Variants in ATG16L2 observed in about 807,000 individuals in gnomAD.
ATG16L2 encodes protein Atg16l2.
A neutral mutation model predicts 84.7 loss-of-function variants in ATG16L2; 77 were observed. That is an observed-to-expected ratio of 0.91 (90% CI 0.76 to 1.10). ATG16L2 has a LOEUF of 1.10. Ranked by LOEUF, ATG16L2 falls within the 50% of genes least tolerant of loss-of-function variation. ATG16L2 has a pLI of 0.00. For synonymous variants in ATG16L2, 361 were observed against 342.8 expected, an observed-to-expected ratio of 1.05 and a Z score of -0.59; for missense variants, 782 against 817.6, an observed-to-expected ratio of 0.96 and a Z score of 0.53.
downstream of ATG16L2, among the ~76,000 whole-genome samples, chr11:72,832,284 G>A (rs955688964): frequency 3.3e-5 from 5 of 152,182 alleles, no homozygotes; most frequent in Admixed American, 6.5e-5. Context: ...CTTTATGGGC[G>A]TCAATCTTAC....
At chr11:72,825,989 C>G (rs1860322389) in intron 10 of ATG16L2, among the ~76,000 whole-genome samples, 184 bp from the exon 11 acceptor site, 1 of 152,126 alleles carries the variant, frequency 6.6e-6, no homozygotes, top group African/African-American at 2.4e-5. Flanking sequence ...GGACCCAGTG[C>G]CAGCAGTTAG....
intron 5 of ATG16L2, chr11:72,840,968 G>GA: frequency 6.2e-7 from 1 of 1,602,318 alleles, no homozygotes; most frequent in Non-Finnish European, 8.5e-7. Context: ...TTCTAAGGGA[G>GA]AAAACCAAAG....
rs114002424 is a variant in ATG16L2 at position 72,840,592 on chromosome 11, G to A, written c.*22-2025G>A. Among the ~76,000 whole-genome samples the A allele has an allele frequency of 3.8e-3, 571 of 152,242 alleles. 8 individuals are homozygous for A. Among genetic ancestry groups the A allele is most frequent in the African/African-American group, 0.013 (529 of 41,534 alleles). ...GAAAAAAGTGTTTCACAATTAGCCC[G>A]CTTTAATGCTCATAAAGTTTGTTCT... On this transcript the variant is annotated intron_variant, in intron 5 of 5. Coordinates refer to the ATG16L2 transcript ENST00000534905.
In ATG16L2 at chr11:72,822,813, C is replaced by T. The variant is rs370997742; in HGVS notation, c.711-35C>T. ...TGGGGTCGGGAGGGGCTGGCTTGGT[C>T]CCTTGGCCTTTCTGAACTTCATTAC... On this transcript the variant is annotated intron_variant, in intron 6 of 17. Transcript: ENST00000321297. The surrounding 1 kb of genome is among the most constrained non-coding windows in gnomAD (Gnocchi z 4.2). 3.4e-6 allele frequency: 5 copies of T among 1,490,836 alleles called. No homozygotes were observed. The African/African-American group carries it at 5.6e-5, about 17-fold the overall frequency. The allele number at this position is 1,490,836 out of a possible 1,614,324, so 92.4% of individuals were successfully genotyped here.
chr11:72,841,445 A>G (rs1406861831), intron 5 of ATG16L2: 1 of 1,609,884 alleles, frequency 6.2e-7, no homozygotes, highest in Admixed American at 1.7e-5. Flanking sequence ...TGCCCAGGAG[A>G]ACCCTTACCG....
Position 72,814,437 on chromosome 11 carries a change from A to G in ATG16L2, c.-9A>G. 6.8e-7 allele frequency: 1 copy of G among 1,470,666 alleles called. No homozygotes were observed. The highest frequency in any genetic ancestry group is 9.1e-7 in the Non-Finnish European group (1 of 1,102,648). 91.1% of individuals were successfully genotyped at this position (1,470,666 alleles called of 1,614,324 possible). On this transcript the variant is annotated 5_prime_UTR_variant, in exon 1 of 18. Transcript: ENST00000321297. ...GGAGGAACGCGCCGCTAGGCGGGAG[A>G]GCGCGGCCATGGCGGGGCCGGGCGT...
Position 72,824,327 on chromosome 11 carries a change from A to G in ATG16L2, c.887+205A>G, listed in dbSNP as rs1025306112. The G allele has an allele frequency of 2.2e-5, 14 of 630,486 alleles. No homozygotes were observed. In the African/African-American group the frequency reaches 2.4e-4, roughly 11 times the overall value. The allele number at this position is 630,486 out of a possible 1,614,324, so 39.1% of individuals were successfully genotyped here. ...CTGTCTTCCAGGTTCTGTCCTCACA[A>G]GGGTCTGTCTTCATCCAAGGTCGTC... On this transcript the variant is annotated intron_variant, in intron 8 of 17. Transcript: ENST00000321297.
At chr11:72,823,800 G>T in intron 7 of ATG16L2, 1 of 597,108 alleles carries the variant, frequency 1.7e-6, no homozygotes, top group Non-Finnish European at 3.2e-6. Context: ...TTTTGTTGGT[G>T]GGTACTAGTA....
At position 72,822,599 on chromosome 11, in the gene ATG16L2, C is replaced by T. The variant is rs1860078094; in HGVS notation, c.710+56C>T. On this transcript the variant is annotated intron_variant, in intron 6 of 17. Transcript: ENST00000321297. This position sits in a 1 kb window ranked among gnomAD's most constrained non-coding sequence, Gnocchi z 4.2. Reference sequence around the variant, plus strand: ...TGCGTTCTGCCTCCCGCCCCGCCTGCCTGCGGCGACCCAGGCTGCCGACTG... The same window carrying T: ...TGCGTTCTGCCTCCCGCCCCGCCTGTCTGCGGCGACCCAGGCTGCCGACTG... 6.3e-7 allele frequency: 1 copy of T among 1,588,460 alleles called. No homozygotes were observed. The highest frequency in any genetic ancestry group is 8.6e-7 in the Non-Finnish European group (1 of 1,167,698).
chr11:72,822,262 CCGAGCGCAACCTGCGCAA>C lies in ATG16L2; in HGVS notation c.619_636del (p.Asn207_Arg212del). On this transcript the variant is annotated inframe_deletion, in exon 5 of 18. Transcript: ENST00000321297. The surrounding 1 kb of genome is among the most constrained non-coding windows in gnomAD (Gnocchi z 4.2). The stretch of plus-strand genomic sequence containing the variant: ...GTGCAGCGCAAGGCGCGCGCCGCGG[CCGAGCGCAACCTGCGCAA>C]CGAGCGCCGGGAGCGGTGAGGGAGC... 2 of 1,501,748 alleles carry C rather than the reference CCGAGCGCAACCTGCGCAA, an allele frequency of 1.3e-6. No individual in the cohort carries two copies. The highest frequency in any genetic ancestry group is 5.1e-5 in the East Asian group (2 of 39,332). 93.0% of individuals were successfully genotyped at this position (1,501,748 alleles called of 1,614,324 possible). A position where few individuals can be genotyped will look rare whatever the true frequency, so the allele number is the denominator to read the frequency against.
At chr11:72,831,249 G>A (rs1300896890), downstream of ATG16L2, among the ~76,000 whole-genome samples, 2 of 152,248 alleles carry the variant, frequency 1.3e-5, no homozygotes, top group East Asian at 3.8e-4. Flanking sequence ...GCTCACGCCT[G>A]TAATCCCAGC....
Position 72,822,908 on chromosome 11 carries a change from T to C in ATG16L2, c.771T>C (p.Pro257=), listed in dbSNP as rs753834491. ...GAAGGGAGACTCTGGCTCTGGCCCC[T>C]GAGCCAGAGCCCCTGGAGAAGGAAG... is the stretch of plus-strand genomic sequence containing the variant. ...RERRETLALA[P]EPEPLEKEAC... is the part of the protein sequence containing the mutation. Residue 257 remains proline, a synonymous_variant, in exon 7 of 18, where the codon CCT becomes CCC. Coordinates refer to ENST00000321297, the MANE Select transcript of ATG16L2 (RefSeq NM_033388.2). This position sits in a 1 kb window ranked among gnomAD's most constrained non-coding sequence, Gnocchi z 4.2. 63 of 1,579,884 alleles carry C rather than the reference T, an allele frequency of 4.0e-5. No homozygotes were observed. The highest frequency in any genetic ancestry group is 5.3e-5 in the Non-Finnish European group (62 of 1,162,724).
At chr11:72,821,516 T>C (rs1345420296) in intron 3 of ATG16L2, 152 bp from the exon 4 acceptor site, 5 of 1,439,934 alleles carry the variant, frequency 3.5e-6, no homozygotes, top group Non-Finnish European at 3.6e-6. Context: ...AGCGCGTCCC[T>C]GTGCAAGGTC....
chr11:72,821,364 C>T (rs971007802), intron 3 of ATG16L2: 2 of 1,195,932 alleles, frequency 1.7e-6, no homozygotes, highest in African/African-American at 3.2e-5. Context: ...TGGCTTCCCA[C>T]TCTTCAGGCG....
chr11:72,825,655 G>A (rs1193955837), intron 10 of ATG16L2, among the ~76,000 whole-genome samples: 1 of 152,160 alleles, frequency 6.6e-6, no homozygotes, highest in African/African-American at 2.4e-5. Flanking sequence ...GATGGTCCCT[G>A]ATGGGGATTG....
intron 8 of ATG16L2, 80 bp downstream of exon 8, chr11:72,824,202 G>A (rs1041773030): frequency 7.8e-6 from 12 of 1,544,480 alleles, no homozygotes; most frequent in African/African-American, 2.7e-5. Flanking sequence ...TCTGTGCCTC[G>A]ACCTGTCCAT....
intron 14 of ATG16L2, 140 bp from the exon 15 acceptor site, chr11:72,828,219 C>T (rs1284463410): frequency 1.4e-5 from 12 of 875,234 alleles, no homozygotes; most frequent in African/African-American, 3.4e-5. Context: ...GAGTCACTCG[C>T]AGCCTTTACC....
intron 1 of ATG16L2, among the ~76,000 whole-genome samples, chr11:72,815,006 T>A (rs1486443466): frequency 6.6e-6 from 1 of 152,184 alleles, no homozygotes; most frequent in Non-Finnish European, 1.5e-5. Context: ...ACTCGGAACC[T>A]CTAAGGAGGA....
Position 72,817,755 on chromosome 11 carries a change from G to A in ATG16L2, c.219-1G>A, listed in dbSNP as rs144262601. 6.2e-7 allele frequency: 1 copy of A among 1,613,674 alleles called. No individual in the cohort carries two copies. Among genetic ancestry groups the A allele is most frequent in the Non-Finnish European group, 8.5e-7 (1 of 1,179,976 alleles). ...TGAGCACCACTCTGATTGGTTGGCAGGGAGGAGTCAGAGCTTGACTCAGAC... is the reference window on the plus strand; with the variant it reads ...TGAGCACCACTCTGATTGGTTGGCAAGGAGGAGTCAGAGCTTGACTCAGAC... On this transcript the variant is annotated splice_acceptor_variant, in intron 2 of 17. Coordinates refer to ENST00000321297, the MANE Select transcript of ATG16L2 (RefSeq NM_033388.2). LOFTEE classifies it high-confidence loss of function.
Sources: allele counts gnomAD v4.1 joint callset (sites outside exome capture counted in the v4.1 genomes callset), GRCh38; gene constraint gnomAD v4.1.1; non-coding constraint Gnocchi (gnomAD v3.1); transcripts MANE v1.5; gene names NCBI Gene and HGNC (gene_info 2026-07-23, HGNC 2026-07-21).